Variants in C12orf54 observed in about 807,000 individuals in gnomAD.
The protein encoded by C12orf54 is uncharacterized protein C12orf54.
A neutral mutation model predicts 26.4 loss-of-function variants in C12orf54; 24 were observed. The ratio of observed to expected loss-of-function variants is 0.91; its 90% CI spans 0.66 to 1.28. The LOEUF (loss-of-function observed/expected upper bound fraction) is 1.28, where lower values mean the gene tolerates loss of function less well. Among genes scored for constraint, C12orf54 ranks in the 50% most tolerant of loss-of-function variants. The pLI is 0.00. For synonymous variants in C12orf54, 54 were observed against 47.0 expected (o/e 1.15, Z -0.61); for missense variants, 154 against 150.9 (o/e 1.02, Z -0.11).
chr12:48,443,148 C>G, the C12orf54 span, among the ~76,000 whole-genome samples: 4 of 152,190 alleles, frequency 2.6e-5, no homozygotes, highest in Admixed American at 2.6e-4. Context: ...AGACCCCAAC[C>G]TTAGATTCTC....
At chr12:48,482,262 C>A (rs1285735382), upstream of C12orf54, among the ~76,000 whole-genome samples, 1 of 152,186 alleles carries the variant, frequency 6.6e-6, no homozygotes, top group Admixed American at 6.5e-5. Context: ...TCATTCCTTT[C>A]ATCTCTAAGA....
the C12orf54 span, among the ~76,000 whole-genome samples, chr12:48,419,642 A>G: frequency 6.6e-6 from 1 of 152,176 alleles, no homozygotes; most frequent in South Asian, 2.1e-4. Flanking sequence ...AGGAGAGCTC[A>G]ATGACAAAGA....
the C12orf54 span, among the ~76,000 whole-genome samples, chr12:48,419,788 C>T: frequency 6.6e-6 from 1 of 152,228 alleles, no homozygotes; most frequent in South Asian, 2.1e-4. Flanking sequence ...GGTACTCTGA[C>T]CCATTAACAA....
At chr12:48,467,017 A>C in the C12orf54 span, among the ~76,000 whole-genome samples, 1 of 152,170 alleles carries the variant, frequency 6.6e-6, no homozygotes, top group Non-Finnish European at 1.5e-5. Context: ...ACAGATGTTC[A>C]CTCAGAACCT....
chr12:48,444,194 G>C, the C12orf54 span, among the ~76,000 whole-genome samples: 4 of 152,300 alleles, frequency 2.6e-5, no homozygotes, highest in Non-Finnish European at 5.9e-5. Flanking sequence ...CTGTCATGTG[G>C]GGAATGCATT....
At chr12:48,433,381 C>T in the C12orf54 span, among the ~76,000 whole-genome samples, 1 of 150,772 alleles carries the variant, frequency 6.6e-6, no homozygotes. Context: ...AGAACTTATC[C>T]TAAATGGATT....
chr12:48,426,051 G>A, the C12orf54 span, among the ~76,000 whole-genome samples: 1 of 151,130 alleles, frequency 6.6e-6, no homozygotes, highest in Non-Finnish European at 1.5e-5. Context: ...TTACTCTGTT[G>A]ATATTTTATT....
At chr12:48,489,018 T>G (rs1298550428) in intron 5 of C12orf54, 62 bp downstream of exon 5, 1 of 1,505,826 alleles carries the variant, frequency 6.6e-7, no homozygotes, top group African/African-American at 1.4e-5. Context: ...ATCCCATTTT[T>G]TTTCTTACCC....
At chr12:48,475,082 G>T in the C12orf54 span, among the ~76,000 whole-genome samples, 1 of 152,098 alleles carries the variant, frequency 6.6e-6, no homozygotes, top group African/African-American at 2.4e-5. Flanking sequence ...CAGCATTTGC[G>T]GTTCACCAAT....
chr12:48,421,512 CTTTT>C, the C12orf54 span, among the ~76,000 whole-genome samples: 82 of 43,462 alleles, frequency 1.9e-3, no homozygotes, highest in African/African-American at 6.2e-3. Flanking sequence ...ATATCATGTG[CTTTT>C]TTTTTTTTTT....
At chr12:48,488,366 G>C in intron 4 of C12orf54, 1 of 503,440 alleles carries the variant, frequency 2.0e-6, no homozygotes, top group South Asian at 1.7e-5. Context: ...AGAAAGCCAA[G>C]GCTGGGGCTG....
At chr12:48,431,894 A>T in the C12orf54 span, among the ~76,000 whole-genome samples, 1 of 152,170 alleles carries the variant, frequency 6.6e-6, no homozygotes, top group African/African-American at 2.4e-5. Context: ...GGTGGTAGTG[A>T]TGGGTGCAAA....
chr12:48,427,588 T>C, the C12orf54 span, among the ~76,000 whole-genome samples: 1 of 152,074 alleles, frequency 6.6e-6, no homozygotes, highest in Non-Finnish European at 1.5e-5. Context: ...AGGAATATTA[T>C]ATAACGGTAA....
chr12:48,484,927 G>T (rs73298781), intron 2 of C12orf54, among the ~76,000 whole-genome samples: 10 of 152,254 alleles, frequency 6.6e-5, no homozygotes, highest in African/African-American at 1.9e-4. Flanking sequence ...ATGAGTAGTA[G>T]CTCTGCCAGG....
At position 48,487,431 on chromosome 12, in the gene C12orf54, A is replaced by G. The variant is rs181704376; in HGVS notation, c.135+705A>G. Among the ~76,000 whole-genome samples, 9 of 152,356 alleles carry G rather than the reference A, an allele frequency of 5.9e-5. No homozygotes were observed. In the East Asian group the frequency reaches 1.2e-3, roughly 20 times the overall value. ...GCCCCCACTGTACAATATTATTTAA[A>G]ATGAATAATGTGTCCAACATGCTTT... On this transcript the variant is annotated intron_variant, in intron 4 of 8. Coordinates refer to ENST00000548364, the MANE Select transcript of C12orf54 (RefSeq NM_152319.4).
At chr12:48,468,519 C>T in the C12orf54 span, among the ~76,000 whole-genome samples, 1 of 152,178 alleles carries the variant, frequency 6.6e-6, no homozygotes, top group African/African-American at 2.4e-5. Flanking sequence ...ACAAGAGACA[C>T]ATTTTATGTA....
the C12orf54 span, among the ~76,000 whole-genome samples, chr12:48,467,805 C>T: frequency 6.6e-6 from 1 of 152,054 alleles, no homozygotes; most frequent in Non-Finnish European, 1.5e-5. Context: ...GTCAATTATA[C>T]CTCAATAAAG....
At chr12:48,436,404 C>A in the C12orf54 span, among the ~76,000 whole-genome samples, 3 of 151,872 alleles carry the variant, frequency 2.0e-5, no homozygotes, top group Non-Finnish European at 4.4e-5. Context: ...CTGCACCAAG[C>A]GGACCTAATA....
At chr12:48,487,741 A>C in intron 4 of C12orf54, 2 of 291,224 alleles carry the variant, frequency 6.9e-6, no homozygotes, top group East Asian at 1.2e-4. Flanking sequence ...TCTTATATAC[A>C]AATTGAAACT....
Sources: allele counts gnomAD v4.1 joint callset (sites outside exome capture counted in the v4.1 genomes callset), GRCh38; gene constraint gnomAD v4.1.1; transcripts MANE v1.5; gene names NCBI Gene and HGNC (gene_info 2026-07-23, HGNC 2026-07-21).